Variants in CYTH3 observed in about 807,000 individuals in gnomAD.
The protein encoded by CYTH3 is cytohesin 3.
Under a neutral mutation model 55.1 loss-of-function variants are expected in CYTH3, and 23 were observed. That is an observed-to-expected ratio of 0.42 (90% CI 0.30 to 0.59). The LOEUF (loss-of-function observed/expected upper bound fraction) is 0.59, where lower values mean the gene tolerates loss of function less well. Among genes scored for constraint, CYTH3 ranks in the 20% least tolerant of loss-of-function variants. CYTH3 has a pLI of 0.20. For missense variants in CYTH3, 413 were observed against 524.8 expected (o/e 0.79, Z 2.08); for synonymous variants, 249 against 194.9 (o/e 1.28, Z -2.31).
chr7:6,239,495 A>G (rs1003527191), intron 1 of CYTH3, among the ~76,000 whole-genome samples: 1 of 152,186 alleles, frequency 6.6e-6, no homozygotes, highest in Non-Finnish European at 1.5e-5. Flanking sequence ...CCAAGTGAAC[A>G]TTTTCAAAAC....
chr7:6,194,264 T>C (rs1327882013), intron 1 of CYTH3, among the ~76,000 whole-genome samples: 2 of 152,200 alleles, frequency 1.3e-5, no homozygotes, highest in Non-Finnish European at 2.9e-5. Flanking sequence ...GTTGACTCTT[T>C]AATACGTGTA....
At chr7:6,209,610 T>G (rs1202530111) in intron 1 of CYTH3, among the ~76,000 whole-genome samples, 8 of 152,320 alleles carry the variant, frequency 5.3e-5, no homozygotes, top group African/African-American at 1.9e-4. Flanking sequence ...ACTGCCCTCC[T>G]TGGAATTTAC....
intron 1 of CYTH3, among the ~76,000 whole-genome samples, chr7:6,233,075 T>C (rs1363176958): frequency 6.6e-6 from 1 of 152,160 alleles, no homozygotes; most frequent in East Asian, 1.9e-4. Context: ...GCTCCTTAAA[T>C]ACTACAGCTC....
At chr7:6,271,993 G>A (rs576284803) in intron 1 of CYTH3, among the ~76,000 whole-genome samples, 2 of 152,106 alleles carry the variant, frequency 1.3e-5, no homozygotes, top group South Asian at 2.1e-4. Flanking sequence ...CTGCCCTCCC[G>A]TCCTGTACAC....
At chr7:6,208,129 C>T (rs1784238995) in intron 1 of CYTH3, among the ~76,000 whole-genome samples, 1 of 152,212 alleles carries the variant, frequency 6.6e-6, no homozygotes, top group Non-Finnish European at 1.5e-5. Context: ...GTATACACAT[C>T]TATCACTGGA....
At chr7:6,175,094 T>TG (rs1783309445) in intron 5 of CYTH3, among the ~76,000 whole-genome samples, 1 of 152,230 alleles carries the variant, frequency 6.6e-6, no homozygotes, top group Non-Finnish European at 1.5e-5. Flanking sequence ...ATCTAGATTA[T>TG]ATAAGGAGAA....
chr7:6,191,870 A>G (rs1427320166), intron 1 of CYTH3, among the ~76,000 whole-genome samples: 1 of 152,156 alleles, frequency 6.6e-6, no homozygotes, highest in African/African-American at 2.4e-5. Context: ...TGAGGCCAGG[A>G]GTTCGAGACC....
chr7:6,233,474 A>G (rs1223130394), intron 1 of CYTH3, among the ~76,000 whole-genome samples: 2 of 151,934 alleles, frequency 1.3e-5, no homozygotes, highest in East Asian at 3.9e-4. Context: ...GGCTAACACA[A>G]TGAAACCCCA....
At chr7:6,250,491 G>T (rs904089686) in intron 1 of CYTH3, among the ~76,000 whole-genome samples, 1 of 152,160 alleles carries the variant, frequency 6.6e-6, no homozygotes, top group Non-Finnish European at 1.5e-5. Flanking sequence ...CCACCCACAG[G>T]AGAAGCACAG....
chr7:6,249,863 T>A (rs183332342), intron 1 of CYTH3, among the ~76,000 whole-genome samples: 57 of 152,362 alleles, frequency 3.7e-4, no homozygotes, highest in Non-Finnish European at 6.0e-4. Flanking sequence ...TACCTTGTGC[T>A]TGTGTAGTGA....
At chr7:6,192,378 T>A (rs1204465716) in intron 1 of CYTH3, among the ~76,000 whole-genome samples, 1 of 150,794 alleles carries the variant, frequency 6.6e-6, no homozygotes, top group South Asian at 2.1e-4. Context: ...CCACCATGTC[T>A]GGCTAATTTT....
In CYTH3 at chr7:6,170,444, G is replaced by C; in HGVS notation, c.823+91C>G. On this transcript the variant is annotated intron_variant, in intron 9 of 12. Transcript: ENST00000350796. This position sits in a 1 kb window ranked among gnomAD's most constrained non-coding sequence, Gnocchi z 7.8. ...TTTAACGTCTCTGCCTGCGGTGGGG[G>C]GCATTCCTACGATGAGCCTGGGAGG... The C allele has an allele frequency of 1.7e-6, 2 of 1,171,990 alleles. No homozygotes were observed. The highest frequency in any genetic ancestry group is 2.4e-6 in the Non-Finnish European group (2 of 818,818). The allele number at this position is 1,171,990 out of a possible 1,614,324, so 72.6% of individuals were successfully genotyped here.
intron 1 of CYTH3, 64 bp downstream of exon 1, chr7:6,272,410 G>GGGGGGGGGGGGC: frequency 1.6e-6 from 2 of 1,216,614 alleles, no homozygotes; most frequent in Non-Finnish European, 2.1e-6. Flanking sequence ...CCGCGCCCTC[G>GGGGGGGGGGGGC]ACCCCCAGCC....
intron 1 of CYTH3, among the ~76,000 whole-genome samples, chr7:6,209,654 T>C (rs2128548904): frequency 6.6e-6 from 1 of 152,236 alleles, no homozygotes; most frequent in Non-Finnish European, 1.5e-5. Flanking sequence ...CACATGAAAA[T>C]CTGCCATAAA....
intron 6 of CYTH3, among the ~76,000 whole-genome samples, chr7:6,172,569 C>T (rs978355359): frequency 6.6e-6 from 1 of 152,234 alleles, no homozygotes; most frequent in Non-Finnish European, 1.5e-5. Flanking sequence ...CCTGTATTCC[C>T]GCCCATCCTG....
chr7:6,174,981 T>G (rs186473330), intron 5 of CYTH3, among the ~76,000 whole-genome samples: 305 of 152,360 alleles, frequency 2.0e-3, no homozygotes, highest in African/African-American at 6.9e-3. Flanking sequence ...ATTTTTACTC[T>G]TATTTGGAAG....
intron 4 of CYTH3, among the ~76,000 whole-genome samples, chr7:6,179,651 ACCC>A (rs1783431177): frequency 1.3e-5 from 1 of 78,002 alleles, no homozygotes; most frequent in African/African-American, 5.4e-5. Context: ...CACACCCCAC[ACCC>A]CACACACACC....
chr7:6,256,162 G>A (rs1780098654), intron 1 of CYTH3, among the ~76,000 whole-genome samples: 1 of 152,202 alleles, frequency 6.6e-6, no homozygotes, highest in South Asian at 2.1e-4. Flanking sequence ...GAAATTCCCA[G>A]TCACTGATCC....
At chr7:6,196,039 G>A (rs1783917396) in intron 1 of CYTH3, among the ~76,000 whole-genome samples, 2 of 152,144 alleles carry the variant, frequency 1.3e-5, no homozygotes, top group African/African-American at 4.8e-5. Flanking sequence ...TCATCCTAAA[G>A]TCTGTCTCTT....
Sources: gnomAD v4.1 joint callset for allele counts (sites outside exome capture counted in the v4.1 genomes callset) on GRCh38, gnomAD v4.1.1 for gene constraint, Gnocchi (gnomAD v3.1) non-coding constraint, MANE v1.5 for transcripts, NCBI Gene and HGNC (gene_info 2026-07-23, HGNC 2026-07-21) for gene names.